Variants in IGF2R observed in about 807,000 individuals in gnomAD.
The protein encoded by IGF2R is cation-independent mannose-6-phosphate receptor.
Under a neutral mutation model 270.6 loss-of-function variants are expected in IGF2R, and 91 were observed. The ratio of observed to expected loss-of-function variants is 0.34; its 90% confidence interval spans 0.28 to 0.40. The LOEUF is 0.40. IGF2R is among the 10% of genes least tolerant of loss of function. The pLI, the probability that IGF2R is intolerant of heterozygous loss-of-function variation, is 1.00. For missense variants in IGF2R, 2,805 were observed against 3,188.3 expected (o/e 0.88, Z 2.90); for synonymous variants, 1,316 against 1,258.9 (o/e 1.05, Z -0.96).
In IGF2R at chr6:160,077,454, G is replaced by T. The variant is rs8191896; in HGVS notation, c.5317-747G>T. ...AGAGTGTGGAACTATGCCTTGCTTT[G>T]ACTCTGCTGCCAACGTGACAAATCG... On this transcript the variant is annotated intron_variant, in intron 36 of 47. Transcript: ENST00000356956. Among the ~76,000 whole-genome samples the T allele has an allele frequency of 7.6e-3, 1,152 of 152,222 alleles. 15 individuals carry two copies. The highest frequency in any genetic ancestry group is 0.026 in the African/African-American group (1,093 of 41,534).
intron 3 of IGF2R, chr6:160,010,484 A>G: frequency 2.1e-6 from 1 of 484,522 alleles, no homozygotes; most frequent in East Asian, 3.2e-5. Context: ...CAAAATCCCA[A>G]CATGATTTTA....
At chr6:159,995,891 C>T (rs939764754) in intron 2 of IGF2R, among the ~76,000 whole-genome samples, 4 of 133,920 alleles carry the variant, frequency 3.0e-5, no homozygotes, top group East Asian at 2.4e-4. Flanking sequence ...GATGTTGCAG[C>T]GCTCTTTTTT....
intron 20 of IGF2R, among the ~76,000 whole-genome samples, chr6:160,057,606 C>T (rs1778342704): frequency 6.6e-6 from 1 of 152,192 alleles, no homozygotes; most frequent in Admixed American, 6.5e-5. Flanking sequence ...GAGAGGATAT[C>T]ATTTGACAGT....
intron 10 of IGF2R, among the ~76,000 whole-genome samples, chr6:160,039,373 T>G (rs1777892708): frequency 6.6e-6 from 1 of 152,224 alleles, no homozygotes; most frequent in Non-Finnish European, 1.5e-5. Context: ...TGCAGTCTGT[T>G]GTTGACCAAA....
At chr6:160,081,188 C>A (rs1234456038) in intron 39 of IGF2R, among the ~76,000 whole-genome samples, 1 of 151,908 alleles carries the variant, frequency 6.6e-6, no homozygotes, top group Admixed American at 6.6e-5. Flanking sequence ...GAACCAGCCC[C>A]CGATTTTTCA....
In IGF2R at chr6:160,081,697, C is replaced by T. The variant is rs115571917; in HGVS notation, c.5833+1422C>T. Among the ~76,000 whole-genome samples, 988 of 152,304 alleles carry T rather than the reference C, an allele frequency of 6.5e-3. 11 individuals are homozygous for T. The highest frequency in any genetic ancestry group is 0.023 in the African/African-American group (949 of 41,564). ...TTTAAGAGGCGCCCCTGCCTTCCTC[C>T]CGGGAATGCATTCTTTTCCCAGGGC... is the stretch of plus-strand genomic sequence containing the variant. On this transcript the variant is annotated intron_variant, in intron 39 of 47. Coordinates refer to ENST00000356956, the MANE Select transcript of IGF2R (RefSeq NM_000876.4).
intron 1 of IGF2R, among the ~76,000 whole-genome samples, chr6:159,972,492 C>T (rs947914209): frequency 1.3e-5 from 2 of 152,218 alleles, no homozygotes; most frequent in Non-Finnish European, 2.9e-5. Context: ...CGTAAATTCT[C>T]ATTGTCTCTA....
Position 160,088,072 on chromosome 6 carries a change from G to T in IGF2R, c.6245G>T (p.Cys2082Phe), listed in dbSNP as rs769380452. 3 of 1,613,962 alleles carry T rather than the reference G, an allele frequency of 1.9e-6. No individual in the cohort carries two copies. The highest frequency in any genetic ancestry group is 2.5e-6 in the Non-Finnish European group (3 of 1,179,786). The change falls in exon 42 of 48, where the codon TGT becomes TTT. Residue 2082 changes from cysteine (C) to phenylalanine (F), a missense_variant. Physicochemically the swap from Cys to Phe is radical, Grantham distance 205 (BLOSUM62 -2). This residue lies in a region of IGF2R where 1,851 missense variants were observed against 2,207.2 expected (regional missense o/e 0.84). Transcript: ENST00000356956. ...GTCACGTACTCCAAAGGTTATCCGT[G>T]TGGTGGAAATAAGACCGCATCCTCC... ...VVVTYSKGYP[C>F]GGNKTASSVI...
chr6:160,078,570 C>G (rs188174841), intron 37 of IGF2R, among the ~76,000 whole-genome samples: 1 of 152,160 alleles, frequency 6.6e-6, no homozygotes, highest in African/African-American at 2.4e-5. Flanking sequence ...CTGACACTTG[C>G]GTTGTACCTC....
At chr6:160,034,278 G>A (rs1777764452) in intron 9 of IGF2R, 141 bp from the exon 10 acceptor site, 1 of 538,898 alleles carries the variant, frequency 1.9e-6, no homozygotes, top group Admixed American at 2.9e-5. Flanking sequence ...TTTTTCCCTA[G>A]CTGGCTAGAG....
At chr6:160,047,657 A>G (rs750512613) in intron 16 of IGF2R, 135 bp from the exon 17 acceptor site, 34 of 665,434 alleles carry the variant, frequency 5.1e-5, no homozygotes, top group Non-Finnish European at 8.6e-5. Context: ...TAATAAAATG[A>G]AGGGAGATGG....
Position 160,105,185 on chromosome 6 carries a change from A to G in IGF2R, c.*101A>G. On this transcript the variant is annotated 3_prime_UTR_variant, in exon 48 of 48. Transcript: ENST00000356956. ...TGATGCTTCTATAATTTTGCCTTTA[A>G]CAGAAACTTTCAAAAGGGAAGAGTT... is the stretch of plus-strand genomic sequence containing the variant. 9.1e-7 allele frequency: 1 copy of G among 1,103,108 alleles called. No homozygotes were observed. Among genetic ancestry groups the G allele is most frequent in the Middle Eastern group, 2.3e-4 (1 of 4,414 alleles). 68.3% of individuals were successfully genotyped at this position (1,103,108 alleles called of 1,614,324 possible). A position where few individuals can be genotyped will look rare whatever the true frequency, so the allele number is the denominator to read the frequency against.
chr6:159,989,932 G>A (rs1583245061), intron 1 of IGF2R, among the ~76,000 whole-genome samples: 1 of 152,204 alleles, frequency 6.6e-6, no homozygotes, highest in East Asian at 1.9e-4. Flanking sequence ...TGATGCATTA[G>A]CAATAACTCA....
chr6:160,103,164 C>G (rs1779527981), intron 46 of IGF2R, among the ~76,000 whole-genome samples: 1 of 152,054 alleles, frequency 6.6e-6, no homozygotes, highest in South Asian at 2.1e-4. Context: ...GGGGCAGGAG[C>G]TGGCCAGCTC....
Position 160,089,214 on chromosome 6 carries a change from T to C in IGF2R, c.6428T>C (p.Ile2143Thr), listed in dbSNP as rs1180079371. ...QMVNGTITNP[I>T]NGKSFSLGDI... Reference sequence around the variant, plus strand: ...GTGAATGGGACCATCACCAACCCTATAAATGGCAAGAGCTTCAGCCTCGGA... The same window carrying C: ...GTGAATGGGACCATCACCAACCCTACAAATGGCAAGAGCTTCAGCCTCGGA... The change falls in exon 43 of 48, where the codon ATA (isoleucine) becomes ACA (threonine). Residue 2143 changes from isoleucine to threonine, a missense_variant. Ile to Thr is a moderately conservative substitution (Grantham distance 89). Transcript: ENST00000356956. 8 of 1,612,670 alleles carry C rather than the reference T, an allele frequency of 5.0e-6. No homozygotes were observed. Among genetic ancestry groups the C allele is most frequent in the Non-Finnish European group, 6.8e-6 (8 of 1,178,916 alleles).
intron 38 of IGF2R, 140 bp downstream of exon 38, chr6:160,079,927 T>C (rs1237350058): frequency 3.1e-6 from 3 of 972,738 alleles, no homozygotes; most frequent in Non-Finnish European, 4.6e-6. Context: ...GAGCTGTTCC[T>C]CTGTACACCC....
chr6:160,060,559 CT>C lies in IGF2R; in HGVS notation c.3108del (p.Phe1036LeufsTer61). 1 of 1,614,250 alleles carries C rather than the reference CT, an allele frequency of 6.2e-7. No homozygotes were observed. Among genetic ancestry groups the C allele is most frequent in the Non-Finnish European group, 8.5e-7 (1 of 1,180,036 alleles). On this transcript the variant is annotated frameshift_variant, in exon 23 of 48. Transcript: ENST00000356956. LOFTEE classifies it high-confidence loss of function. ...TCTTGCTTTACAGGTACCGCTGATG[CT>C]TTTATCGTCCGCTTTGTTTGCAATG... is the stretch of plus-strand genomic sequence containing the variant. Reference protein sequence around the residue: ...GPLSAKGTADAFIVRFVCNDD... With the variant: ...GPLSAKGTADXFIVRFVCNDD...
At chr6:160,045,639 C>G (rs1778051886) in intron 13 of IGF2R, 106 bp from the exon 14 acceptor site, 1 of 1,389,376 alleles carries the variant, frequency 7.2e-7, no homozygotes, top group East Asian at 2.3e-5. Context: ...CATTATACCT[C>G]ATTTCCCACT....
chr6:159,992,628 AC>A, intron 2 of IGF2R, among the ~76,000 whole-genome samples: 1 of 151,834 alleles, frequency 6.6e-6, no homozygotes, highest in Non-Finnish European at 1.5e-5. Context: ...ACACACACAC[AC>A]AAACACACAC....
Sources: allele counts gnomAD v4.1 joint callset (sites outside exome capture counted in the v4.1 genomes callset), GRCh38; gene constraint gnomAD v4.1.1; regional missense constraint gnomAD v4.1.1; transcripts MANE v1.5; gene names NCBI Gene and HGNC (gene_info 2026-07-23, HGNC 2026-07-21).